AGMO: variants seen among roughly 807,000 people sequenced by gnomAD.
The protein encoded by AGMO is glyceryl-ether monooxygenase.
In AGMO, 75 loss-of-function variants were observed where a neutral mutation model predicts 60.2. That is an observed-to-expected ratio of 1.25 (90% CI 1.03 to 1.51). The LOEUF (loss-of-function observed/expected upper bound fraction) is 1.51, where lower values mean the gene tolerates loss of function less well. Among genes scored for constraint, AGMO ranks in the 40% most tolerant of loss-of-function variants. The probability of loss-of-function intolerance (pLI) is 0.00; values close to 1 mark genes in which losing one functional copy is unlikely to be tolerated. For synonymous variants in AGMO, 261 were observed against 177.1 expected (o/e 1.47, Z -3.76); for missense variants, 763 against 525.5 (o/e 1.45, Z -4.42).
chr7:15,518,042 C>A (rs1391050184), intron 3 of AGMO, among the ~76,000 whole-genome samples: 1 of 152,146 alleles, frequency 6.6e-6, no homozygotes, highest in Non-Finnish European at 1.5e-5. Flanking sequence ...TGTAAAAAAG[C>A]CACCAGGAAT....
chr7:15,286,396 T>C (rs1191055195), intron 12 of AGMO, among the ~76,000 whole-genome samples: 5 of 151,576 alleles, frequency 3.3e-5, no homozygotes, highest in Non-Finnish European at 7.4e-5. Context: ...AATAATCCCA[T>C]CAAAAAGTGG....
chr7:15,421,785 A>C (rs980087891), intron 4 of AGMO, among the ~76,000 whole-genome samples: 7 of 152,146 alleles, frequency 4.6e-5, no homozygotes, highest in Non-Finnish European at 8.8e-5. Context: ...CATCTCAGGG[A>C]ATCAGGAAGT....
chr7:15,293,113 C>A (rs942797937), intron 12 of AGMO, among the ~76,000 whole-genome samples: 1 of 152,020 alleles, frequency 6.6e-6, no homozygotes, highest in Non-Finnish European at 1.5e-5. Context: ...AACAAACAAT[C>A]ACATATTCAT....
chr7:15,494,874 G>T (rs932392468), intron 3 of AGMO, among the ~76,000 whole-genome samples: 1 of 152,158 alleles, frequency 6.6e-6, no homozygotes, highest in Non-Finnish European at 1.5e-5. Flanking sequence ...AAATTCCTTA[G>T]GTCTCAGACT....
chr7:15,357,317 T>G (rs1486872801), intron 12 of AGMO, among the ~76,000 whole-genome samples: 1 of 151,924 alleles, frequency 6.6e-6, no homozygotes, highest in Non-Finnish European at 1.5e-5. Flanking sequence ...TACATTCATC[T>G]TGTAGCCAGA....
At chr7:15,290,951 G>C (rs2128522022) in intron 12 of AGMO, among the ~76,000 whole-genome samples, 1 of 152,158 alleles carries the variant, frequency 6.6e-6, no homozygotes, top group African/African-American at 2.4e-5. Flanking sequence ...TAATATATTA[G>C]GATGGATAAT....
chr7:15,532,634 G>A (rs1273416173), intron 3 of AGMO, among the ~76,000 whole-genome samples: 2 of 152,082 alleles, frequency 1.3e-5, no homozygotes, highest in Non-Finnish European at 1.5e-5. Flanking sequence ...CAGTGAAGAA[G>A]ATTCAAAATC....
intron 12 of AGMO, among the ~76,000 whole-genome samples, chr7:15,207,345 G>A (rs1375699179): frequency 6.6e-6 from 1 of 152,136 alleles, no homozygotes; most frequent in East Asian, 1.9e-4. Context: ...TGGAAGTTAT[G>A]AATAAAGTGT....
chr7:15,498,476 A>G (rs1455924589), intron 3 of AGMO, among the ~76,000 whole-genome samples: 1 of 152,016 alleles, frequency 6.6e-6, no homozygotes, highest in Non-Finnish European at 1.5e-5. Context: ...ACGTTTCTGC[A>G]GTTTGTTACA....
intron 3 of AGMO, among the ~76,000 whole-genome samples, chr7:15,487,160 AG>A (rs970282296): frequency 6.6e-6 from 1 of 152,252 alleles, no homozygotes; most frequent in Non-Finnish European, 1.5e-5. Context: ...TTAAATAAAA[AG>A]TTATATTTTA....
chr7:15,424,091 C>T (rs1343790260), intron 4 of AGMO, among the ~76,000 whole-genome samples: 27 of 152,108 alleles, frequency 1.8e-4, no homozygotes, highest in Non-Finnish European at 2.9e-5. Flanking sequence ...AAATTTTATT[C>T]ATTACAGATT....
chr7:15,239,676 G>T (rs1782532269), intron 12 of AGMO, among the ~76,000 whole-genome samples: 1 of 152,116 alleles, frequency 6.6e-6, no homozygotes, highest in Non-Finnish European at 1.5e-5. Context: ...GTAAGCCAAT[G>T]AGGATAATTT....
At chr7:15,394,356 T>A (rs543005195) in intron 5 of AGMO, among the ~76,000 whole-genome samples, 177 bp from the exon 6 acceptor site, 1 of 152,238 alleles carries the variant, frequency 6.6e-6, no homozygotes, top group South Asian at 2.1e-4. Context: ...ACAATAGTAA[T>A]CTCAAAACTC....
intron 3 of AGMO, among the ~76,000 whole-genome samples, chr7:15,495,540 T>C (rs866130123): frequency 3.3e-5 from 5 of 152,156 alleles, no homozygotes; most frequent in Middle Eastern, 3.4e-3. Context: ...GCAGGGAAAG[T>C]GTGTTTGATT....
intron 12 of AGMO, 45 bp from the exon 13 acceptor site, chr7:15,201,404 CAA>C: frequency 7.5e-7 from 1 of 1,337,218 alleles, no homozygotes; most frequent in Non-Finnish European, 1.1e-6. Context: ...AGAAGTGAAT[CAA>C]TACTATTGCT....
At chr7:15,390,602 ATT>A (rs1784097566) in intron 8 of AGMO, 67 bp downstream of exon 8, 2 of 1,269,016 alleles carry the variant, frequency 1.6e-6, no homozygotes, top group Non-Finnish European at 2.2e-6. Flanking sequence ...TCTACAGCTG[ATT>A]TTTCTCTTAA....
At chr7:15,207,288 A>G (rs1390416612) in intron 12 of AGMO, among the ~76,000 whole-genome samples, 1 of 152,220 alleles carries the variant, frequency 6.6e-6, no homozygotes, top group African/African-American at 2.4e-5. Context: ...AAGTGAAAAT[A>G]GATGCTACCT....
intron 12 of AGMO, among the ~76,000 whole-genome samples, chr7:15,344,251 T>C (rs77244446): frequency 0.034 from 5,207 of 152,282 alleles, 290 homozygotes; most frequent in African/African-American, 0.12. Context: ...ACAATATTTA[T>C]GTACCAATTT....
chr7:15,197,271 T>C (rs992808738), downstream of AGMO, among the ~76,000 whole-genome samples: 3 of 152,208 alleles, frequency 2.0e-5, no homozygotes, highest in African/African-American at 4.8e-5. Context: ...GAATAAATCC[T>C]ATTACTGTAC....
Sources: gnomAD v4.1 joint callset for allele counts (sites outside exome capture counted in the v4.1 genomes callset) on GRCh38, gnomAD v4.1.1 for gene constraint, MANE v1.5 for transcripts, NCBI Gene and HGNC (gene_info 2026-07-23, HGNC 2026-07-21) for gene names.